The following PPP6R3 variants were observed in gnomAD, a reference collection of about 807,000 sequenced individuals.
PPP6R3 encodes protein phosphatase 6 regulatory subunit 3.
A neutral mutation model predicts 110.7 loss-of-function variants in PPP6R3; 38 were observed. The ratio of observed to expected loss-of-function variants is 0.34; its 90% confidence interval spans 0.26 to 0.45. The LOEUF (loss-of-function observed/expected upper bound fraction) is 0.45. Among genes scored for constraint, PPP6R3 ranks in the 20% least tolerant of loss-of-function variants. The probability of loss-of-function intolerance (pLI) is 1.00; values close to 1 mark genes in which losing one functional copy is unlikely to be tolerated. For synonymous variants in PPP6R3, 369 were observed against 373.5 expected (o/e 0.99, Z 0.14); for missense variants, 870 against 1,062.4 (o/e 0.82, Z 2.52).
intron 1 of PPP6R3, among the ~76,000 whole-genome samples, chr11:68,489,549 T>G (rs2098970443): frequency 7.1e-6 from 1 of 141,694 alleles, no homozygotes; most frequent in Non-Finnish European, 1.6e-5. Flanking sequence ...AGATACTGTG[T>G]GTTTGTGTGT....
chr11:68,504,820 G>T (rs2099067364), intron 1 of PPP6R3, among the ~76,000 whole-genome samples: 1 of 152,148 alleles, frequency 6.6e-6, no homozygotes, highest in Admixed American at 6.5e-5. Flanking sequence ...TTTGCAGTTT[G>T]GCCTTCTTTG....
At chr11:68,533,758 G>C (rs1472428592) in intron 2 of PPP6R3, among the ~76,000 whole-genome samples, 2 of 146,008 alleles carry the variant, frequency 1.4e-5, no homozygotes, top group Non-Finnish European at 3.0e-5. Context: ...ACAGATAATT[G>C]CTAAAGAATT....
intron 8 of PPP6R3, among the ~76,000 whole-genome samples, chr11:68,560,838 A>T (rs1323525414): frequency 1.3e-5 from 2 of 151,300 alleles, no homozygotes; most frequent in Admixed American, 6.6e-5. Flanking sequence ...TAGTATTTGC[A>T]TGTAACCTAC....
At chr11:68,534,934 A>C (rs1375157847) in intron 2 of PPP6R3, among the ~76,000 whole-genome samples, 1 of 152,132 alleles carries the variant, frequency 6.6e-6, no homozygotes, top group Non-Finnish European at 1.5e-5. Flanking sequence ...CTTCCATTGA[A>C]GTTATCTTTT....
At chr11:68,488,746 AG>A (rs1320832160) in intron 1 of PPP6R3, 1 of 152,192 alleles carries the variant, frequency 6.6e-6, no homozygotes, top group Non-Finnish European at 1.5e-5. Context: ...TACTTGGTGT[AG>A]GGGCTGAGTA....
intron 1 of PPP6R3, among the ~76,000 whole-genome samples, chr11:68,509,634 A>C (rs1435324851): frequency 6.6e-6 from 1 of 151,878 alleles, no homozygotes; most frequent in Non-Finnish European, 1.5e-5. Context: ...TTTTTGAGAC[A>C]GGGTGTCACT....
In PPP6R3 at chr11:68,533,237, C is replaced by T. The variant is rs150234250; in HGVS notation, c.-6-4422C>T. Among the ~76,000 whole-genome samples, 34 of 152,252 alleles carry T rather than the reference C, an allele frequency of 2.2e-4. No individual in the cohort carries two copies. In the East Asian group the frequency reaches 4.8e-3, roughly 22 times the overall value. On this transcript the variant is annotated intron_variant, in intron 2 of 23. Coordinates refer to ENST00000393800, the MANE Select transcript of PPP6R3 (RefSeq NM_001164161.2). The stretch of plus-strand genomic sequence containing the variant: ...CTAATTTACCAGTGCCATTTGTTTC[C>T]AGTCAGCTTGCTGTTTGGCTAAAAG...
chr11:68,554,281 T>C (rs752602840), intron 7 of PPP6R3, 24 bp downstream of exon 7: 4 of 1,538,000 alleles, frequency 2.6e-6, no homozygotes, highest in Non-Finnish European at 3.6e-6. Flanking sequence ...TCTGTTCTTG[T>C]TCTTCTTTCA....
At chr11:68,477,741 A>AAAAAAAAAAAAAAAATAT in intron 1 of PPP6R3, among the ~76,000 whole-genome samples, 1 of 57,894 alleles carries the variant, frequency 1.7e-5, no homozygotes, top group African/African-American at 7.1e-5. Flanking sequence ...AAAAAAAAAA[A>AAAAAAAAAAAAAAAATAT]ATATATATAT....
intron 15 of PPP6R3, 110 bp downstream of exon 15, chr11:68,583,239 G>C: frequency 1.2e-6 from 1 of 832,354 alleles, no homozygotes; most frequent in Non-Finnish European, 1.8e-6. Flanking sequence ...GTGATTTGGG[G>C]TTACTTATTA....
chr11:68,612,771 C>G (rs1361545001), intron 23 of PPP6R3: 1 of 413,346 alleles, frequency 2.4e-6, no homozygotes, highest in African/African-American at 2.1e-5. Flanking sequence ...ACCCCACTGA[C>G]CTAGTCACTC....
intron 1 of PPP6R3, among the ~76,000 whole-genome samples, chr11:68,501,046 A>G (rs1405990262): frequency 3.3e-5 from 5 of 152,196 alleles, no homozygotes; most frequent in Non-Finnish European, 5.9e-5. Context: ...GTTGCAGGGC[A>G]TCGTTAGCAT....
chr11:68,554,337 G>A, intron 7 of PPP6R3, 80 bp downstream of exon 7: 1 of 1,088,406 alleles, frequency 9.2e-7, no homozygotes, highest in Non-Finnish European at 1.3e-6. Flanking sequence ...ATTGGTAAGT[G>A]TTCCTTATGT....
chr11:68,546,846 T>C (rs895377398), intron 4 of PPP6R3, among the ~76,000 whole-genome samples: 4 of 152,162 alleles, frequency 2.6e-5, no homozygotes, highest in African/African-American at 9.7e-5. Context: ...GGCTCCAGGT[T>C]TGGTGTTTCT....
intron 1 of PPP6R3, among the ~76,000 whole-genome samples, chr11:68,496,344 T>C (rs2099015745): frequency 6.6e-6 from 1 of 151,952 alleles, no homozygotes; most frequent in South Asian, 2.1e-4. Context: ...TCCCTTCCCA[T>C]CCCTCCTTCC....
chr11:68,610,492 TA>T (rs1176933798), intron 23 of PPP6R3, among the ~76,000 whole-genome samples: 1 of 152,182 alleles, frequency 6.6e-6, no homozygotes, highest in African/African-American at 2.4e-5. Context: ...TACATGTAGC[TA>T]AATAATTCTT....
At chr11:68,598,437 G>A (rs560590257) in intron 19 of PPP6R3, among the ~76,000 whole-genome samples, 18 of 152,294 alleles carry the variant, frequency 1.2e-4, no homozygotes, top group Admixed American at 6.5e-4. Flanking sequence ...GATGAGGTTC[G>A]CGTTTACCTA....
At chr11:68,554,399 CCTG>C (rs1476059123) in intron 7 of PPP6R3, 142 bp downstream of exon 7, 1 of 539,596 alleles carries the variant, frequency 1.9e-6, no homozygotes, top group African/African-American at 2.0e-5. Context: ...GGTAGGGAAA[CCTG>C]CTTCTTTTAT....
At chr11:68,522,283 C>T (rs2099167863) in intron 2 of PPP6R3, among the ~76,000 whole-genome samples, 1 of 152,224 alleles carries the variant, frequency 6.6e-6, no homozygotes, top group Admixed American at 6.5e-5. Context: ...GAAAACATGT[C>T]CACTGCCAAT....
Sources: allele counts gnomAD v4.1 joint callset (sites outside exome capture counted in the v4.1 genomes callset), GRCh38; gene constraint gnomAD v4.1.1; transcripts MANE v1.5; gene names NCBI Gene and HGNC (gene_info 2026-07-23, HGNC 2026-07-21).